The following NGFR variants were observed in gnomAD, a reference collection of about 807,000 sequenced individuals.
NGFR encodes nerve growth factor receptor.
In NGFR, 30 loss-of-function variants were observed where a neutral mutation model predicts 43.2. The ratio of observed to expected loss-of-function variants is 0.69; its 90% CI spans 0.52 to 0.94. The LOEUF is 0.94. Among genes scored for constraint, NGFR ranks in the 40% least tolerant of loss-of-function variants. NGFR has a pLI of 0.00. For synonymous variants in NGFR, 246 were observed against 259.6 expected (o/e 0.95, Z 0.50); for missense variants, 529 against 602.5 (o/e 0.88, Z 1.28).
chr17:49,502,000 A>ACGCCCC, intron 1 of NGFR, 63 bp from the exon 2 acceptor site: 28 of 264,882 alleles, frequency 1.1e-4, no homozygotes, highest in Non-Finnish European at 1.9e-4. Context: ...CCCCGGAAGA[A>ACGCCCC]CCCCCCCCAA....
rs573280313 is a variant in NGFR, at chr17:49,495,679, G to A, written c.66+196G>A. On this transcript the variant is annotated intron_variant, in intron 1 of 5. Transcript: ENST00000172229. This position sits in a 1 kb window ranked among gnomAD's most constrained non-coding sequence, Gnocchi z 6.4. ...CGGAGCGCAGAGGCGACTCTCCAGG[G>A]TGGAGATGAGGGCAAGACCGGAGCA... 6.6e-6 allele frequency: 3 copies of A among 456,262 alleles called. No homozygotes were observed. Among genetic ancestry groups the A allele is most frequent in the East Asian group, 3.6e-5 (1 of 28,132 alleles). The allele number at this position is 456,262 out of a possible 1,614,324, so 28.3% of individuals were successfully genotyped here.
chr17:49,499,755 TA>T (rs2143423302), intron 1 of NGFR, among the ~76,000 whole-genome samples: 1 of 152,002 alleles, frequency 6.6e-6, no homozygotes, highest in South Asian at 2.1e-4. Context: ...GCCTGGCTAA[TA>T]TTTTGTATTT....
At chr17:49,502,979 G>T (rs2143429930) in intron 2 of NGFR, among the ~76,000 whole-genome samples, 1 of 151,864 alleles carries the variant, frequency 6.6e-6, no homozygotes, top group Admixed American at 6.6e-5. Flanking sequence ...GCAATGGCAT[G>T]ATCTCAACTC....
intron 3 of NGFR, 137 bp downstream of exon 3, chr17:49,506,795 C>A: frequency 1.3e-6 from 1 of 785,530 alleles, no homozygotes; most frequent in African/African-American, 1.7e-5. Context: ...GCAGCGTGCA[C>A]CTTCCCTGAG....
chr17:49,505,103 T>C (rs1045378974), intron 2 of NGFR, among the ~76,000 whole-genome samples: 4 of 152,000 alleles, frequency 2.6e-5, no homozygotes, highest in Admixed American at 1.3e-4. Flanking sequence ...TTCACTTCTC[T>C]CTGGCTTTTC....
rs1304361535 is a variant in NGFR, at chr17:49,506,632, C to CA, written c.543dup (p.Arg182ThrfsTer35). 6.5e-7 allele frequency: 1 copy of CA among 1,529,926 alleles called. No individual in the cohort carries two copies. The highest frequency in any genetic ancestry group is 1.8e-5 in the Admixed American group (1 of 55,456). 94.8% of individuals were successfully genotyped at this position (1,529,926 alleles called of 1,614,324 possible). On this transcript the variant is annotated frameshift_variant, in exon 3 of 6. Coordinates refer to ENST00000172229, the MANE Select transcript of NGFR (RefSeq NM_002507.4). LOFTEE classifies it high-confidence loss of function. ...ACCGAGCGCCAGCTCCGCGAGTGCACACGCTGGGCCGACGCCGAGTGCGAG... is the reference window on the plus strand; with the variant it reads ...ACCGAGCGCCAGCTCCGCGAGTGCACAACGCTGGGCCGACGCCGAGTGCGAG...
intron 2 of NGFR, among the ~76,000 whole-genome samples, chr17:49,504,186 A>G (rs1282165694): frequency 6.6e-6 from 1 of 152,184 alleles, no homozygotes; most frequent in African/African-American, 2.4e-5. Context: ...TTCTCTGCCA[A>G]AAAAGACCAC....
rs1486314260 is a variant in NGFR, at chr17:49,514,701, C to T, written c.*1692C>T. ...GGGGAGGAAACTCACCTGCTGGCCC[C>T]TCACCTGGGCACCTGGGGAGTGGGA... On this transcript the variant is annotated 3_prime_UTR_variant, in exon 6 of 6. Coordinates refer to ENST00000172229, the MANE Select transcript of NGFR (RefSeq NM_002507.4). 1 of 152,252 alleles carries T rather than the reference C, an allele frequency of 6.6e-6. No homozygotes were observed. The highest frequency in any genetic ancestry group is 1.5e-5 in the Non-Finnish European group (1 of 68,084). The allele number at this position is 152,252 out of a possible 1,614,324, so 9.4% of individuals were successfully genotyped here.
In NGFR at chr17:49,512,412, T is replaced by C. The variant is rs1253890323; in HGVS notation, c.983-296T>C. Among the ~76,000 whole-genome samples the C allele has an allele frequency of 2.6e-5, 4 of 152,190 alleles. No individual in the cohort carries two copies. Among genetic ancestry groups the C allele is most frequent in the Non-Finnish European group, 4.4e-5 (3 of 68,026 alleles). ...GGCCCATAGCCCAGCTCCGGGACAC[T>C]TGCTGTAGTTGTCTAGAACTGAGAA... On this transcript the variant is annotated intron_variant, in intron 5 of 5. Transcript: ENST00000172229. This position sits in a 1 kb window ranked among gnomAD's most constrained non-coding sequence, Gnocchi z 5.2.
At chr17:49,502,002 C>CCCCCCCCCCCCCCCCCCCAAAA in intron 1 of NGFR, 61 bp from the exon 2 acceptor site, 1 of 269,490 alleles carries the variant, frequency 3.7e-6, no homozygotes. Flanking sequence ...CCGGAAGAAC[C>CCCCCCCCCCCCCCCCCCCAAAA]CCCCCCAACC....
chr17:49,508,673 C>T (rs142371376), intron 3 of NGFR, among the ~76,000 whole-genome samples: 3 of 152,278 alleles, frequency 2.0e-5, no homozygotes, highest in Non-Finnish European at 2.9e-5. Context: ...CCATGCAGCC[C>T]GGAAATGGCT....
Position 49,506,635 on chromosome 17 carries a change from G to T in NGFR, c.545G>T (p.Arg182Leu). Residue 182 changes from arginine (R) to leucine (L), a missense_variant, in exon 3 of 6, where the codon CGC (arginine) becomes CTC (leucine). Physicochemically the swap from Arg to Leu is moderately radical, Grantham distance 102. Coordinates refer to ENST00000172229, the MANE Select transcript of NGFR (RefSeq NM_002507.4). ...DTERQLRECT[R>L]WADAECEEIP... ...GAGCGCCAGCTCCGCGAGTGCACAC[G>T]CTGGGCCGACGCCGAGTGCGAGGGT... 1.3e-6 allele frequency: 2 copies of T among 1,572,688 alleles called. No homozygotes were observed. Among genetic ancestry groups the T allele is most frequent in the East Asian group, 2.3e-5 (1 of 43,414 alleles).
Position 49,495,301 on chromosome 17 carries a change from C to G in NGFR, c.-117C>G. 2 of 862,100 alleles carry G rather than the reference C, an allele frequency of 2.3e-6. No individual in the cohort carries two copies. Among genetic ancestry groups the G allele is most frequent in the Non-Finnish European group, 3.1e-6 (2 of 653,090 alleles). The allele number at this position is 862,100 out of a possible 1,614,324, so 53.4% of individuals were successfully genotyped here. ...CTCTCCCGCCCGCAGCCAGAGCGAG[C>G]CGAGCCGCGGCCAGCTCCGGCGGGC... is the stretch of plus-strand genomic sequence containing the variant. On this transcript the variant is annotated 5_prime_UTR_variant, in exon 1 of 6. Coordinates refer to ENST00000172229, the MANE Select transcript of NGFR (RefSeq NM_002507.4). This position sits in a 1 kb window ranked among gnomAD's most constrained non-coding sequence, Gnocchi z 6.4.
At chr17:49,502,006 C>CT in intron 1 of NGFR, 57 bp from the exon 2 acceptor site, 3 of 581,196 alleles carry the variant, frequency 5.2e-6, no homozygotes, top group East Asian at 4.8e-5. Flanking sequence ...AAGAACCCCC[C>CT]CCAACCCACC....
intron 2 of NGFR, among the ~76,000 whole-genome samples, chr17:49,503,840 GC>G (rs2071181234): frequency 6.6e-6 from 1 of 152,108 alleles, no homozygotes; most frequent in African/African-American, 2.4e-5. Flanking sequence ...CTAGACTCCA[GC>G]CCAGGACTCT....
intron 3 of NGFR, among the ~76,000 whole-genome samples, chr17:49,509,022 A>G (rs1267015930): frequency 2.0e-5 from 3 of 152,126 alleles, no homozygotes; most frequent in Non-Finnish European, 4.4e-5. Flanking sequence ...GACCCTCCCC[A>G]GTCCAATGCT....
chr17:49,506,693 T>TGGGGGGGGGG (rs2143437884), intron 3 of NGFR, 35 bp downstream of exon 3: 8 of 115,490 alleles, frequency 6.9e-5, no homozygotes, highest in African/African-American at 1.6e-4. Context: ...GGAGTGGGGG[T>TGGGGGGGGGG]GCGGGGGTGG....
At position 49,510,651 on chromosome 17, in the gene NGFR, A is replaced by C. The variant is rs529529189; in HGVS notation, c.808A>C (p.Ile270Leu). The C allele has an allele frequency of 3.7e-6, 6 of 1,613,598 alleles. No homozygotes were observed. In the East Asian group the frequency reaches 6.7e-5, roughly 18 times the overall value. Residue 270 changes from isoleucine (I) to leucine (L), a missense_variant, in exon 4 of 6, where the codon ATA becomes CTA. Transcript: ENST00000172229. ...TGTGGTTGTGGGCCTTGTGGCCTAC[A>C]TAGCCTTCAAGAGGTAAGAGAGGGC... ...AAVVVGLVAY[I>L]AFKRWNSCKQ...
Position 49,514,191 on chromosome 17 carries a change from G to A in NGFR, c.*1182G>A. 1 of 157,308 alleles carries A rather than the reference G, an allele frequency of 6.4e-6. No individual in the cohort carries two copies. Among genetic ancestry groups the A allele is most frequent in the Non-Finnish European group, 1.4e-5 (1 of 71,066 alleles). The allele number at this position is 157,308 out of a possible 1,614,324, so 9.7% of individuals were successfully genotyped here. A position where few individuals can be genotyped will look rare whatever the true frequency, so the allele number is the denominator to read the frequency against. ...GAGGTCTGCTCGGCCGTCTTCACTC[G>A]CCCCCGGGTTTGGCGGGCCAAGGAC... On this transcript the variant is annotated 3_prime_UTR_variant, in exon 6 of 6. Transcript: ENST00000172229.
Sources: allele counts gnomAD v4.1 joint callset (sites outside exome capture counted in the v4.1 genomes callset), GRCh38; gene constraint gnomAD v4.1.1; non-coding constraint Gnocchi (gnomAD v3.1); transcripts MANE v1.5; gene names NCBI Gene and HGNC (gene_info 2026-07-23, HGNC 2026-07-21).